Variants in UTP4 observed in about 807,000 individuals in gnomAD.
UTP4 encodes UTP4 small subunit processome component.
UTP4 carries 45 observed loss-of-function variants against 82.4 expected under a neutral mutation model. The ratio of observed to expected loss-of-function variants is 0.55; its 90% CI spans 0.43 to 0.70. UTP4 has a LOEUF of 0.70. UTP4 is among the 30% of genes least tolerant of loss of function. The pLI is 0.00. For missense variants in UTP4, 819 were observed against 858.3 expected (o/e 0.95, Z 0.57); for synonymous variants, 348 against 300.3 (o/e 1.16, Z -1.64).
At chr16:69,166,706 C>G (rs1399135271) in intron 15 of UTP4, 1 of 257,226 alleles carries the variant, frequency 3.9e-6, no homozygotes, top group African/African-American at 2.3e-5. Flanking sequence ...CCTGCACTTG[C>G]CAGTTTGTTC....
chr16:69,133,322 C>T, intron 1 of UTP4, 136 bp from the exon 2 acceptor site: 1 of 814,422 alleles, frequency 1.2e-6, no homozygotes, highest in Non-Finnish European at 2.1e-6. Context: ...GCATTGTTAG[C>T]AGCCATTTGG....
intron 6 of UTP4, among the ~76,000 whole-genome samples, 200 bp from the exon 7 acceptor site, chr16:69,150,337 G>C (rs1963227233): frequency 1.3e-5 from 2 of 152,276 alleles, no homozygotes; most frequent in Admixed American, 1.3e-4. Flanking sequence ...TTTGTCAGTA[G>C]GGGGCGCATT....
chr16:69,143,982 G>C (rs1963037843), intron 6 of UTP4, among the ~76,000 whole-genome samples: 1 of 151,958 alleles, frequency 6.6e-6, no homozygotes, highest in African/African-American at 2.4e-5. Flanking sequence ...CTGCCTCCCA[G>C]GTTCAAGCGA....
At position 69,137,891 on chromosome 16, in the gene UTP4, C is replaced by T. The variant is rs202164680; in HGVS notation, c.436+6C>T. ...AAATTTTGATCGGCAGAAAAGTAAG[C>T]GTCATTTTTCATGGGGCGGTAAATA... is the stretch of plus-strand genomic sequence containing the variant. On this transcript the variant is annotated splice_donor_region_variant and intron_variant, in intron 4 of 16. Coordinates refer to ENST00000314423, the MANE Select transcript of UTP4 (RefSeq NM_032830.3). The T allele has an allele frequency of 1.4e-5, 22 of 1,578,390 alleles. No individual in the cohort carries two copies. Among genetic ancestry groups the T allele is most frequent in the Admixed American group, 5.0e-5 (3 of 59,966 alleles).
Position 69,165,413 on chromosome 16 carries a change from C to T in UTP4, c.1720C>T (p.His574Tyr). Reference protein sequence around the residue: ...SRTVQKQGFHHLWLQRDTPIT... With the variant: ...SRTVQKQGFHYLWLQRDTPIT... ...GACTGTCCAGAAGCAGGGCTTTCACCACCTTTGGCTCCAAAGGGATACTCC... is the reference window on the plus strand; with the variant it reads ...GACTGTCCAGAAGCAGGGCTTTCACTACCTTTGGCTCCAAAGGGATACTCC... The change falls in exon 15 of 17, where the codon CAC becomes TAC. Residue 574 changes from histidine (H) to tyrosine (Y), a missense_variant. Transcript: ENST00000314423. The T allele has an allele frequency of 1.9e-6, 3 of 1,614,034 alleles. No homozygotes were observed. The highest frequency in any genetic ancestry group is 2.5e-6 in the Non-Finnish European group (3 of 1,179,958).
chr16:69,149,196 A>G (rs1963196613), intron 6 of UTP4, among the ~76,000 whole-genome samples: 1 of 152,182 alleles, frequency 6.6e-6, no homozygotes, highest in South Asian at 2.1e-4. Context: ...CCTGGACAAC[A>G]TGGTGAAACC....
intron 9 of UTP4, 149 bp downstream of exon 9, chr16:69,153,829 A>G (rs1963341348): frequency 2.9e-6 from 2 of 695,422 alleles, no homozygotes; most frequent in Non-Finnish European, 5.2e-6. Flanking sequence ...AGATAAAGCA[A>G]ATAAGCTGTT....
At chr16:69,149,882 C>T (rs572958827) in intron 6 of UTP4, among the ~76,000 whole-genome samples, 154 of 152,172 alleles carry the variant, frequency 1.0e-3, no homozygotes, top group Middle Eastern at 3.4e-3. Context: ...GCATGCGCCA[C>T]CACGCCCAGC....
intron 5 of UTP4, among the ~76,000 whole-genome samples, chr16:69,140,607 A>G (rs1398267127): frequency 6.6e-6 from 1 of 152,016 alleles, no homozygotes; most frequent in African/African-American, 2.4e-5. Context: ...CCATCAACTC[A>G]GGAAGCTGAG....
intron 6 of UTP4, among the ~76,000 whole-genome samples, chr16:69,147,925 CCTGT>C (rs1490201837): frequency 1.3e-5 from 2 of 151,920 alleles, no homozygotes; most frequent in Non-Finnish European, 2.9e-5. Context: ...TGCCACCACG[CCTGT>C]CTAATTTTTG....
rs990868234 is a variant in UTP4 at position 69,156,970 on chromosome 16, T to G, written c.1288-114T>G. ...AAACCAGTGTTCTGTGCCGAGTCAG[T>G]TGGCTTACTTAGAGACAGGAAGCAT... is the stretch of plus-strand genomic sequence containing the variant. On this transcript the variant is annotated intron_variant, in intron 11 of 16. Transcript: ENST00000314423. 2.9e-6 allele frequency: 3 copies of G among 1,047,564 alleles called. No individual in the cohort carries two copies. In the African/African-American group the frequency reaches 4.7e-5, roughly 16 times the overall value. The allele number at this position is 1,047,564 out of a possible 1,614,324, so 64.9% of individuals were successfully genotyped here.
chr16:69,150,683 C>T lies in UTP4; in HGVS notation c.885C>T (p.His295=), dbSNP rs1321372397. ...HHTHDVRTVA[H]SPTALISGGT... ...CTCATGACGTGCGCACTGTGGCCCACAGCCCAACAGCGCTGATATCTGGAG... is the reference window on the plus strand; with the variant it reads ...CTCATGACGTGCGCACTGTGGCCCATAGCCCAACAGCGCTGATATCTGGAG... The change falls in exon 7 of 17, where the codon CAC becomes CAT. Residue 295 remains histidine (H), a synonymous_variant. Transcript: ENST00000314423. 4.3e-6 allele frequency: 7 copies of T among 1,614,240 alleles called. No individual in the cohort carries two copies. The East Asian group carries it at 6.7e-5, about 15-fold the overall frequency.
intron 16 of UTP4, chr16:69,167,463 A>T (rs1184576262): frequency 2.5e-6 from 1 of 401,842 alleles, no homozygotes; most frequent in East Asian, 5.5e-5. Context: ...TTGTCATGAG[A>T]GCTGGCTTTA....
intron 5 of UTP4, among the ~76,000 whole-genome samples, chr16:69,142,625 C>T (rs1962990192): frequency 1.3e-5 from 2 of 152,152 alleles, no homozygotes; most frequent in Admixed American, 1.3e-4. Context: ...TCTTGGCTTT[C>T]CTCTCTGCCG....
chr16:69,147,189 A>G (rs934057426), intron 6 of UTP4, among the ~76,000 whole-genome samples: 1 of 140,680 alleles, frequency 7.1e-6, no homozygotes, highest in Non-Finnish European at 1.5e-5. Flanking sequence ...AATAATAATA[A>G]TAATAATAAT....
chr16:69,137,226 G>A (rs963038472), intron 3 of UTP4, among the ~76,000 whole-genome samples: 6 of 152,158 alleles, frequency 3.9e-5, no homozygotes, highest in Non-Finnish European at 8.8e-5. Context: ...TAATCCTGCT[G>A]TAAATTCACA....
chr16:69,168,714 T>C, intron 16 of UTP4, 107 bp from the exon 17 acceptor site: 1 of 802,458 alleles, frequency 1.2e-6, no homozygotes, highest in South Asian at 1.4e-5. Context: ...ATTTGAGCCT[T>C]GAACTAGGCT....
At chr16:69,162,882 C>T (rs1963599402) in intron 13 of UTP4, among the ~76,000 whole-genome samples, 1 of 149,546 alleles carries the variant, frequency 6.7e-6, no homozygotes, top group Non-Finnish European at 1.5e-5. Context: ...AAGAGCGAAA[C>T]TCCATCTCAA....
intron 8 of UTP4, among the ~76,000 whole-genome samples, chr16:69,151,218 C>T (rs1048828303): frequency 2.6e-5 from 4 of 152,092 alleles, no homozygotes; most frequent in African/African-American, 4.8e-5. Flanking sequence ...GTTGGTCAGG[C>T]TGATCTCGGA....
Sources: gnomAD v4.1 joint callset for allele counts (sites outside exome capture counted in the v4.1 genomes callset) on GRCh38, gnomAD v4.1.1 for gene constraint, MANE v1.5 for transcripts, NCBI Gene and HGNC (gene_info 2026-07-23, HGNC 2026-07-21) for gene names.